Variants in MANBAL observed in about 807,000 individuals in gnomAD.
MANBAL encodes mannosidase beta like.
MANBAL carries 1 observed loss-of-function variant against 6.4 expected under a neutral mutation model. The observed-to-expected ratio is 0.16, with a 90% CI of 0.06 to 0.74. The LOEUF (loss-of-function observed/expected upper bound fraction) is 0.74. MANBAL is among the 30% of genes least tolerant of loss of function. MANBAL has a pLI of 0.78. For synonymous variants in MANBAL, 47 were observed against 45.8 expected (o/e 1.03, Z -0.10); for missense variants, 100 against 107.8 (o/e 0.93, Z 0.32).
At chr20:37,297,082 G>A (rs562063632) in intron 1 of MANBAL, 1 of 152,312 alleles carries the variant, frequency 6.6e-6, no homozygotes, top group South Asian at 2.1e-4. Flanking sequence ...ACTTTATGAG[G>A]TGCAACTGCG....
chr20:37,294,939 C>T (rs1033215590), intron 1 of MANBAL, among the ~76,000 whole-genome samples: 7 of 152,194 alleles, frequency 4.6e-5, no homozygotes, highest in Admixed American at 2.0e-4. Flanking sequence ...GTCCAGTAAC[C>T]TCATGAAATT....
At chr20:37,315,340 G>A (rs1006189087) in intron 2 of MANBAL, among the ~76,000 whole-genome samples, 2 of 152,188 alleles carry the variant, frequency 1.3e-5, no homozygotes, top group South Asian at 2.1e-4. Flanking sequence ...CCTCTCTGAC[G>A]TCCGTCCTTT....
At chr20:37,290,223 T>A (rs539558479) in intron 1 of MANBAL, among the ~76,000 whole-genome samples, 1 of 152,360 alleles carries the variant, frequency 6.6e-6, no homozygotes, top group African/African-American at 2.4e-5. Context: ...ATGAGAAACA[T>A]TTTTAAAATG....
At chr20:37,306,079 G>C (rs111648902) in intron 2 of MANBAL, among the ~76,000 whole-genome samples, 2,226 of 152,230 alleles carry the variant, frequency 0.015, 26 homozygotes, top group Middle Eastern at 0.058. Context: ...CCAGAGGGCA[G>C]TTGGGAGATA....
intron 2 of MANBAL, among the ~76,000 whole-genome samples, chr20:37,309,959 G>A (rs753751624): frequency 2.0e-5 from 3 of 152,236 alleles, no homozygotes; most frequent in East Asian, 1.9e-4. Flanking sequence ...TTAATGACCC[G>A]TTCTGGAGAG....
intron 1 of MANBAL, chr20:37,298,764 A>T (rs2069061830): frequency 6.7e-6 from 1 of 149,830 alleles, no homozygotes; most frequent in Non-Finnish European, 1.5e-5. Context: ...TTTAAACAGG[A>T]TCTCTCACCC....
chr20:37,315,580 C>T (rs941624124), intron 2 of MANBAL, among the ~76,000 whole-genome samples: 1 of 152,226 alleles, frequency 6.6e-6, no homozygotes, highest in African/African-American at 2.4e-5. Context: ...TTCAATCTTA[C>T]AAGGGACAAA....
At chr20:37,308,854 G>A (rs927523523) in intron 2 of MANBAL, among the ~76,000 whole-genome samples, 8 of 152,170 alleles carry the variant, frequency 5.3e-5, no homozygotes, top group Admixed American at 6.6e-5. Context: ...AGTCATACAC[G>A]GTAGTGAATC....
intron 1 of MANBAL, chr20:37,297,646 C>CTTT: frequency 1.4e-5 from 2 of 144,978 alleles, no homozygotes; most frequent in South Asian, 2.2e-4. Flanking sequence ...GGCGGCAGGC[C>CTTT]TTTTTTTTTT....
intron 1 of MANBAL, among the ~76,000 whole-genome samples, chr20:37,299,995 T>A (rs1177196577): frequency 6.6e-6 from 1 of 152,166 alleles, no homozygotes; most frequent in African/African-American, 2.4e-5. Flanking sequence ...CCACTGCCCC[T>A]GTCATTCACG....
At chr20:37,298,223 A>G (rs1017638177) in intron 1 of MANBAL, among the ~76,000 whole-genome samples, 1 of 152,204 alleles carries the variant, frequency 6.6e-6, no homozygotes, top group Non-Finnish European at 1.5e-5. Context: ...AAAGAAACAG[A>G]TTTTTAAAAA....
intron 2 of MANBAL, among the ~76,000 whole-genome samples, chr20:37,315,541 C>G (rs751022623): frequency 6.6e-6 from 1 of 152,248 alleles, no homozygotes; most frequent in African/African-American, 2.4e-5. Flanking sequence ...TTCAACCTTT[C>G]GTTCCTTAGC....
chr20:37,289,879 G>C (rs1305189506), intron 1 of MANBAL, among the ~76,000 whole-genome samples, 193 bp downstream of exon 1: 1 of 152,236 alleles, frequency 6.6e-6, no homozygotes, highest in African/African-American at 2.4e-5. Context: ...TGAGCCCCCC[G>C]GGAGGCGGAG....
intron 1 of MANBAL, among the ~76,000 whole-genome samples, chr20:37,293,127 A>T (rs532316575): frequency 6.6e-6 from 1 of 152,362 alleles, no homozygotes; most frequent in Non-Finnish European, 1.5e-5. Flanking sequence ...TTCATGGAAG[A>T]CAATTTTTCC....
At chr20:37,309,108 G>T (rs568248620) in intron 2 of MANBAL, among the ~76,000 whole-genome samples, 13 of 152,298 alleles carry the variant, frequency 8.5e-5, no homozygotes, top group African/African-American at 3.1e-4. Flanking sequence ...AATTTCAAAG[G>T]ACAGCTGGAT....
chr20:37,311,053 A>C (rs1297916163), intron 2 of MANBAL, among the ~76,000 whole-genome samples: 1 of 152,198 alleles, frequency 6.6e-6, no homozygotes, highest in Non-Finnish European at 1.5e-5. Flanking sequence ...TGCAGCTTGC[A>C]TGGGGCCGTC....
chr20:37,309,798 C>T (rs1023802698), intron 2 of MANBAL, among the ~76,000 whole-genome samples: 2 of 152,080 alleles, frequency 1.3e-5, no homozygotes, highest in South Asian at 2.1e-4. Flanking sequence ...TGAGGCCTGC[C>T]GTAAATAAAT....
At chr20:37,304,528 C>G (rs1017861686) in intron 2 of MANBAL, among the ~76,000 whole-genome samples, 2 of 152,070 alleles carry the variant, frequency 1.3e-5, no homozygotes, top group Admixed American at 6.6e-5. Flanking sequence ...TTATATTCCC[C>G]CCTTCATTAA....
At position 37,291,003 on chromosome 20, in the gene MANBAL, A is replaced by G. The variant is rs921915271; in HGVS notation, c.-57+1317A>G. Among the ~76,000 whole-genome samples the G allele has an allele frequency of 3.9e-5, 6 of 152,356 alleles. No individual in the cohort carries two copies. In the East Asian group the frequency reaches 1.2e-3, roughly 29 times the overall value. ...TTTAAAGTTACTTCATTAGAAGCCAAGAATGGCCTACCAGCACAGTACACA... is the reference window on the plus strand; with the variant it reads ...TTTAAAGTTACTTCATTAGAAGCCAGGAATGGCCTACCAGCACAGTACACA... On this transcript the variant is annotated intron_variant, in intron 1 of 2. Transcript: ENST00000373606.
Sources: gnomAD v4.1 joint callset for allele counts (sites outside exome capture counted in the v4.1 genomes callset) on GRCh38, gnomAD v4.1.1 for gene constraint, MANE v1.5 for transcripts, NCBI Gene and HGNC (gene_info 2026-07-23, HGNC 2026-07-21) for gene names.